Variants in OPHN1 observed in about 807,000 individuals in gnomAD.
OPHN1 encodes the protein oligophrenin 1.
In OPHN1, 11 loss-of-function variants were observed where a neutral mutation model predicts 60.7. The observed-to-expected ratio is 0.18, with a 90% CI of 0.11 to 0.30. OPHN1 has a LOEUF of 0.30. Ranked by LOEUF, OPHN1 falls within the 10% of genes least tolerant of loss-of-function variation. The pLI, the probability that OPHN1 is intolerant of heterozygous loss-of-function variation, is 1.00. For synonymous variants in OPHN1, 226 were observed against 222.6 expected, an observed-to-expected ratio of 1.02 and a Z score of -0.14; for missense variants, 449 against 611.0, an observed-to-expected ratio of 0.73 and a Z score of 2.80.
chrX:68,381,519 C>T (rs1045042702), intron 2 of OPHN1, among the ~76,000 whole-genome samples: 1 of 111,726 alleles, frequency 9.0e-6, no homozygotes, highest in African/African-American at 3.3e-5. Flanking sequence ...TCCCAACCAT[C>T]TCCAACCTAT....
chrX:68,366,032 C>T (rs970829415), intron 2 of OPHN1, among the ~76,000 whole-genome samples: 3 of 108,417 alleles, frequency 2.8e-5, no homozygotes, highest in South Asian at 4.0e-4. Flanking sequence ...ACATTGCTGA[C>T]GAAAATCTAA....
At chrX:68,385,529 T>C (rs2078620138) in intron 2 of OPHN1, among the ~76,000 whole-genome samples, 1 of 112,118 alleles carries the variant, frequency 8.9e-6, no homozygotes, top group Non-Finnish European at 1.9e-5. Context: ...TGAAGAGTGA[T>C]GAAACAGTCA....
intron 5 of OPHN1, among the ~76,000 whole-genome samples, chrX:68,249,808 G>A (rs957096264): frequency 8.9e-5 from 10 of 111,772 alleles, no homozygotes; most frequent in Non-Finnish European, 3.8e-5. Flanking sequence ...GGAGGAGAAC[G>A]CTTCTTGTCA....
At chrX:68,425,764 A>AT (rs766061215) in intron 2 of OPHN1, among the ~76,000 whole-genome samples, 18,180 of 65,300 alleles carry the variant, frequency 0.28, 3,359 homozygotes, top group African/African-American at 0.62. Context: ...CATCTTTTGG[A>AT]TTTTTTTTTT....
chrX:68,245,246 T>C (rs1256265617), intron 5 of OPHN1, among the ~76,000 whole-genome samples: 1 of 111,279 alleles, frequency 9.0e-6, no homozygotes, highest in Non-Finnish European at 1.9e-5. Flanking sequence ...CTCTTTAGCC[T>C]CGTATTCAAG....
At chrX:68,154,805 T>C (rs150567747) in intron 15 of OPHN1, among the ~76,000 whole-genome samples, 1,714 of 110,330 alleles carry the variant, frequency 0.016, 11 homozygotes, top group Middle Eastern at 0.028. Flanking sequence ...TATGGTTTTA[T>C]GGATTTATAA....
chrX:68,407,223 A>C (rs191190991), intron 2 of OPHN1, among the ~76,000 whole-genome samples: 43 of 112,024 alleles, frequency 3.8e-4, no homozygotes, highest in Admixed American at 2.5e-3. Context: ...TAAATAAATA[A>C]ATACATACAT....
chrX:68,068,705 T>C (rs1224017191), intron 20 of OPHN1, among the ~76,000 whole-genome samples: 1 of 111,547 alleles, frequency 9.0e-6, no homozygotes, highest in Non-Finnish European at 1.9e-5. Context: ...GATCAATGGA[T>C]AAATAAAATG....
intron 2 of OPHN1, among the ~76,000 whole-genome samples, chrX:68,313,730 T>A (rs777437165): frequency 2.7e-5 from 3 of 111,883 alleles, no homozygotes; most frequent in Non-Finnish European, 5.6e-5. Context: ...AGAGTAAGAA[T>A]GGTTAATGGG....
intron 2 of OPHN1, among the ~76,000 whole-genome samples, chrX:68,405,368 T>A (rs916848582): frequency 3.6e-5 from 4 of 111,444 alleles, no homozygotes; most frequent in Non-Finnish European, 7.5e-5. Flanking sequence ...TTTAAAAAAA[T>A]TTTTTAGAGC....
chrX:68,305,920 A>G (rs1015389428), intron 2 of OPHN1, among the ~76,000 whole-genome samples: 1 of 112,314 alleles, frequency 8.9e-6, no homozygotes, highest in South Asian at 3.7e-4. Context: ...CACAGGAAAC[A>G]ATAGTCCATG....
chrX:68,199,103 T>C (rs766232550), intron 11 of OPHN1, among the ~76,000 whole-genome samples: 6 of 112,089 alleles, frequency 5.4e-5, no homozygotes, highest in Non-Finnish European at 1.1e-4. Context: ...ACTTGGCAAA[T>C]GTTAGCAATT....
chrX:68,250,760 C>G (rs1483090243), intron 5 of OPHN1, among the ~76,000 whole-genome samples: 1 of 111,804 alleles, frequency 8.9e-6, no homozygotes, highest in East Asian at 2.8e-4. Flanking sequence ...GAATATCTGG[C>G]ACTATATGAG....
chrX:68,258,902 C>T (rs906934279), intron 5 of OPHN1, among the ~76,000 whole-genome samples: 3 of 111,974 alleles, frequency 2.7e-5, no homozygotes, highest in Admixed American at 9.5e-5. Flanking sequence ...TCTGAACTAA[C>T]TCATTTTCCT....
intron 3 of OPHN1, among the ~76,000 whole-genome samples, chrX:68,285,299 G>T (rs1186894797): frequency 9.0e-6 from 1 of 111,226 alleles, no homozygotes; most frequent in African/African-American, 3.3e-5. Context: ...AGTGTCTTAA[G>T]TTGGAAAGTT....
chrX:68,222,310 AACACTTTT>A (rs2077664184), intron 6 of OPHN1, among the ~76,000 whole-genome samples: 1 of 108,081 alleles, frequency 9.3e-6, no homozygotes, highest in African/African-American at 3.4e-5. Flanking sequence ...GAGAAATAGG[AACACTTTT>A]ACACTGTTGG....
At chrX:68,234,260 G>A (rs1489266126) in intron 6 of OPHN1, among the ~76,000 whole-genome samples, 2 of 111,328 alleles carry the variant, frequency 1.8e-5, no homozygotes, top group African/African-American at 6.5e-5. Flanking sequence ...AATGGAATGA[G>A]GCAAAGAAAG....
chrX:68,076,672 T>G (rs1239194738), intron 19 of OPHN1, among the ~76,000 whole-genome samples: 1 of 111,873 alleles, frequency 8.9e-6, no homozygotes, highest in African/African-American at 3.2e-5. Context: ...TACTCCTTCA[T>G]GTTTACTCAA....
At chrX:68,225,961 C>T (rs1264748443) in intron 6 of OPHN1, among the ~76,000 whole-genome samples, 3 of 111,422 alleles carry the variant, frequency 2.7e-5, no homozygotes, top group African/African-American at 9.8e-5. Flanking sequence ...AAACCCAACG[C>T]AAAGAAGCTA....
Sources: allele counts gnomAD v4.1 joint callset (sites outside exome capture counted in the v4.1 genomes callset), GRCh38; gene constraint gnomAD v4.1.1; transcripts MANE v1.5; gene names NCBI Gene and HGNC (gene_info 2026-07-23, HGNC 2026-07-21).